Variants in TNFRSF11A observed in about 807,000 individuals in gnomAD.
TNFRSF11A encodes the protein tumor necrosis factor receptor superfamily member 11A.
Under a neutral mutation model 55.7 loss-of-function variants are expected in TNFRSF11A, and 32 were observed. That is an observed-to-expected ratio of 0.57 (90% confidence interval 0.43 to 0.77). TNFRSF11A has a LOEUF of 0.77. TNFRSF11A is among the 30% of genes least tolerant of loss of function. The pLI, the probability that TNFRSF11A is intolerant of heterozygous loss-of-function variation, is 0.00. For synonymous variants in TNFRSF11A, 311 were observed against 331.0 expected, an observed-to-expected ratio of 0.94 and a Z score of 0.65; for missense variants, 753 against 809.8, an observed-to-expected ratio of 0.93 and a Z score of 0.85.
rs115724278 is a variant in TNFRSF11A, at chr18:62,332,266, A to G, written c.75+6839A>G. Among the ~76,000 whole-genome samples the G allele has an allele frequency of 2.4e-3, 360 of 152,316 alleles. 2 individuals carry two copies. The highest frequency in any genetic ancestry group is 8.3e-3 in the African/African-American group (343 of 41,558). On this transcript the variant is annotated intron_variant, in intron 1 of 9. Coordinates refer to ENST00000586569, the MANE Select transcript of TNFRSF11A (RefSeq NM_003839.4). ...TCCCTAAAGTATTGACTTTTTAAAAATATGTATTACTTACCTAATGCAGTT... is the reference window on the plus strand; with the variant it reads ...TCCCTAAAGTATTGACTTTTTAAAAGTATGTATTACTTACCTAATGCAGTT...
At position 62,368,820 on chromosome 18, in the gene TNFRSF11A, C is replaced by T; in HGVS notation, c.903C>T (p.Tyr301=). ...AGACATTTCCAGAAGATATGTGCTA[C>T]CCAGATCAAGGTGGTGTCTGTCAGG... is the stretch of plus-strand genomic sequence containing the variant. ...EEKTFPEDMC[Y]PDQGGVCQGT... Residue 301 remains tyrosine (Y), a synonymous_variant, in exon 9 of 10, where the codon TAC becomes TAT. Coordinates refer to ENST00000586569, the MANE Select transcript of TNFRSF11A (RefSeq NM_003839.4). 6.2e-7 allele frequency: 1 copy of T among 1,614,238 alleles called. No homozygotes were observed. The highest frequency in any genetic ancestry group is 8.5e-7 in the Non-Finnish European group (1 of 1,180,054).
At chr18:62,368,350 C>T (rs1348136768) in intron 8 of TNFRSF11A, among the ~76,000 whole-genome samples, 2 of 152,140 alleles carry the variant, frequency 1.3e-5, no homozygotes, top group East Asian at 1.9e-4. Context: ...GCTGCTTACT[C>T]GAGTTCAATA....
At chr18:62,376,425 TG>T (rs1485722592) in intron 9 of TNFRSF11A, among the ~76,000 whole-genome samples, 1 of 151,932 alleles carries the variant, frequency 6.6e-6, no homozygotes, top group Non-Finnish European at 1.5e-5. Context: ...GGACTAACAA[TG>T]CCTATAAAAA....
At chr18:62,342,489 A>G (rs893275837) in intron 1 of TNFRSF11A, among the ~76,000 whole-genome samples, 1 of 149,816 alleles carries the variant, frequency 6.7e-6, no homozygotes, top group African/African-American at 2.5e-5. Flanking sequence ...AATCTGCCCT[A>G]TCTGGTGTCT....
Position 62,385,028 on chromosome 18 carries a change from G to A in TNFRSF11A, c.1845G>A (p.Lys615=). 1 of 1,478,348 alleles carries A rather than the reference G, an allele frequency of 6.8e-7. No homozygotes were observed. The highest frequency in any genetic ancestry group is 2.4e-4 in the Middle Eastern group (1 of 4,164). The allele number at this position is 1,478,348 out of a possible 1,614,324, so 91.6% of individuals were successfully genotyped here. A position where few individuals can be genotyped will look rare whatever the true frequency, so the allele number is the denominator to read the frequency against. Residue 615 remains lysine, a synonymous_variant, in exon 10 of 10, where the codon AAG becomes AAA. Transcript: ENST00000586569. ...CGGTGCAGGAGCAAGGCGGGGCCAA[G>A]GCTTGAGCGCCCCCCATGGCTGGGA... ...SRPVQEQGGA[K]A
At chr18:62,354,680 TTTTC>T in intron 4 of TNFRSF11A, 146 bp downstream of exon 4, 1 of 1,234,124 alleles carries the variant, frequency 8.1e-7, no homozygotes, top group Non-Finnish European at 1.1e-6. Context: ...TGGGGGCTGA[TTTTC>T]CACGAGATAC....
intron 9 of TNFRSF11A, among the ~76,000 whole-genome samples, chr18:62,376,431 T>TA (rs924210975): frequency 3.9e-5 from 6 of 152,180 alleles, no homozygotes; most frequent in African/African-American, 1.4e-4. Context: ...ACAATGCCTA[T>TA]AAAAAACCTC....
chr18:62,325,441 G>A lies in TNFRSF11A; in HGVS notation c.75+14G>A. The A allele has an allele frequency of 4.8e-6, 6 of 1,253,458 alleles. No homozygotes were observed. The highest frequency in any genetic ancestry group is 3.3e-4 in the Middle Eastern group (1 of 3,070). The allele number at this position is 1,253,458 out of a possible 1,614,324, so 77.6% of individuals were successfully genotyped here. ...GCCCGGCTGCAGGTAAGGAGCGCCC[G>A]CGCCTGCCGGGCCGCGCGGCCCGAC... On this transcript the variant is annotated intron_variant, in intron 1 of 9. Coordinates refer to ENST00000586569, the MANE Select transcript of TNFRSF11A (RefSeq NM_003839.4). This position sits in a 1 kb window ranked among gnomAD's most constrained non-coding sequence, Gnocchi z 4.7.
At chr18:62,331,545 C>A (rs116032791) in intron 1 of TNFRSF11A, among the ~76,000 whole-genome samples, 1 of 152,124 alleles carries the variant, frequency 6.6e-6, no homozygotes, top group Admixed American at 6.5e-5. Context: ...ATCTAGAGAG[C>A]CATTGCCAGA....
At chr18:62,378,333 G>C (rs1173950883) in intron 9 of TNFRSF11A, among the ~76,000 whole-genome samples, 1 of 152,188 alleles carries the variant, frequency 6.6e-6, no homozygotes, top group Non-Finnish European at 1.5e-5. Flanking sequence ...TGAGACTGTG[G>C]GGTTTAATGT....
intron 1 of TNFRSF11A, among the ~76,000 whole-genome samples, chr18:62,345,234 CT>C (rs2046366167): frequency 6.6e-6 from 1 of 152,010 alleles, no homozygotes; most frequent in Admixed American, 6.5e-5. Context: ...GGAAAGAACA[CT>C]GGAAGCAGAG....
At chr18:62,346,097 A>G (rs1332111582) in intron 1 of TNFRSF11A, among the ~76,000 whole-genome samples, 2 of 152,182 alleles carry the variant, frequency 1.3e-5, no homozygotes, top group Non-Finnish European at 2.9e-5. Flanking sequence ...AAATTCCCCT[A>G]AAAAGTACCT....
At chr18:62,355,109 C>T (rs1305869211) in intron 4 of TNFRSF11A, among the ~76,000 whole-genome samples, 1 of 152,184 alleles carries the variant, frequency 6.6e-6, no homozygotes, top group African/African-American at 2.4e-5. Flanking sequence ...AACTATTGGA[C>T]AGTTTACATA....
Position 62,390,636 on chromosome 18 carries a change from A to G in TNFRSF11A, c.*5602A>G, listed in dbSNP as rs1331871163. ...TGTATAGACTTTAAGTCGTGAGAAA[A>G]ACGACATTCTTATGGTGAGGCTCTT... On this transcript the variant is annotated 3_prime_UTR_variant, in exon 10 of 10. Coordinates refer to ENST00000586569, the MANE Select transcript of TNFRSF11A (RefSeq NM_003839.4). The G allele has an allele frequency of 6.6e-6, 1 of 152,212 alleles. No homozygotes were observed. Among genetic ancestry groups the G allele is most frequent in the Non-Finnish European group, 1.5e-5 (1 of 68,040 alleles). The allele number at this position is 152,212 out of a possible 1,614,324, so 9.4% of individuals were successfully genotyped here. A position where few individuals can be genotyped will look rare whatever the true frequency, so the allele number is the denominator to read the frequency against.
intron 3 of TNFRSF11A, among the ~76,000 whole-genome samples, chr18:62,350,946 C>T (rs1028746820): frequency 2.6e-5 from 4 of 151,466 alleles, no homozygotes; most frequent in Admixed American, 6.6e-5. Flanking sequence ...TTGTTGGTTG[C>T]ATTCCCTTGG....
intron 1 of TNFRSF11A, among the ~76,000 whole-genome samples, chr18:62,340,109 T>C (rs2046290507): frequency 1.3e-5 from 2 of 151,950 alleles, no homozygotes; most frequent in African/African-American, 4.8e-5. Context: ...GGAAGATTGC[T>C]TGAACCCAGG....
At chr18:62,336,822 A>C (rs917151998) in intron 1 of TNFRSF11A, 1 of 152,240 alleles carries the variant, frequency 6.6e-6, no homozygotes, top group Non-Finnish European at 1.5e-5. Flanking sequence ...TTGCAATTAA[A>C]GTTTTGAAAC....
At chr18:62,369,812 A>G (rs921115437) in intron 9 of TNFRSF11A, among the ~76,000 whole-genome samples, 10 of 152,328 alleles carry the variant, frequency 6.6e-5, no homozygotes, top group Non-Finnish European at 1.5e-4. Flanking sequence ...CAAAGTCAAC[A>G]TCGGCGTCAG....
intron 9 of TNFRSF11A, among the ~76,000 whole-genome samples, chr18:62,379,135 G>C (rs1911091532): frequency 6.6e-6 from 1 of 152,232 alleles, no homozygotes; most frequent in Non-Finnish European, 1.5e-5. Flanking sequence ...CTGCAAGCTG[G>C]TGTTTGTGAT....
Sources: gnomAD v4.1 joint callset for allele counts (sites outside exome capture counted in the v4.1 genomes callset) on GRCh38, gnomAD v4.1.1 for gene constraint, Gnocchi (gnomAD v3.1) non-coding constraint, MANE v1.5 for transcripts, NCBI Gene and HGNC (gene_info 2026-07-23, HGNC 2026-07-21) for gene names.